The following ATXN2 variants were observed in gnomAD, a reference collection of about 807,000 sequenced individuals.
ATXN2 encodes the protein ataxin-2.
In ATXN2, 37 loss-of-function variants were observed where a neutral mutation model predicts 138.6. The ratio of observed to expected loss-of-function variants is 0.27; its 90% CI spans 0.21 to 0.35. ATXN2 has a LOEUF of 0.35. Among genes scored for constraint, ATXN2 ranks in the 10% least tolerant of loss-of-function variants. The pLI is 1.00. For missense variants in ATXN2, 1,216 were observed against 1,480.3 expected (o/e 0.82, Z 2.93); for synonymous variants, 549 against 543.7 (o/e 1.01, Z -0.13).
At chr12:111,466,060 G>A (rs1875988397) in intron 20 of ATXN2, among the ~76,000 whole-genome samples, 2 of 151,898 alleles carry the variant, frequency 1.3e-5, no homozygotes, top group Admixed American at 6.6e-5. Context: ...CAGCTACTCA[G>A]GAGGCTGAGG....
intron 5 of ATXN2, among the ~76,000 whole-genome samples, chr12:111,537,582 C>CAAAA (rs751737186): frequency 2.2e-4 from 21 of 96,780 alleles, no homozygotes; most frequent in African/African-American, 6.5e-4. Flanking sequence ...GACTCTGTTT[C>CAAAA]AAAAAAAAAA....
At chr12:111,456,313 G>A (rs1875093151) in intron 22 of ATXN2, 57 bp from the exon 23 acceptor site, 1 of 1,576,006 alleles carries the variant, frequency 6.3e-7, no homozygotes, top group African/African-American at 1.3e-5. Context: ...AAGCAGCCAA[G>A]GGATACCCAC....
intron 21 of ATXN2, among the ~76,000 whole-genome samples, chr12:111,459,060 G>A (rs1266827374): frequency 6.6e-6 from 1 of 152,196 alleles, no homozygotes; most frequent in Admixed American, 6.5e-5. Flanking sequence ...AGTTTAGACT[G>A]GATACAGCAG....
chr12:111,568,345 T>C (rs1236708481), intron 1 of ATXN2, among the ~76,000 whole-genome samples: 4 of 152,192 alleles, frequency 2.6e-5, no homozygotes, highest in African/African-American at 9.6e-5. Flanking sequence ...AATATAATTA[T>C]AGAGCTTCAT....
Position 111,456,137 on chromosome 12 carries a change from C to A in ATXN2, c.3162G>T (p.Gln1054His). ...CTGCTGGGAAACTATTCTGTGGCGA[C>A]TGCGTGTTGGAGGCAGGTGTCATGG... The part of the protein sequence containing the change: ...PPSMTPASNT[Q>H]SPQNSFPAAQ... Residue 1054 changes from glutamine (Q) to histidine (H), a missense_variant, in exon 23 of 25, where the codon CAG becomes CAT. Coordinates refer to ENST00000673436, the MANE Select transcript of ATXN2 (RefSeq NM_001372574.1). 6.2e-7 allele frequency: 1 copy of A among 1,614,206 alleles called. No homozygotes were observed. Among genetic ancestry groups the A allele is most frequent in the Non-Finnish European group, 8.5e-7 (1 of 1,180,048 alleles).
At chr12:111,554,310 G>T in intron 2 of ATXN2, 93 bp from the exon 3 acceptor site, 2 of 883,660 alleles carry the variant, frequency 2.3e-6, no homozygotes, top group Non-Finnish European at 3.2e-6. Flanking sequence ...ATTTTAGACT[G>T]CGGATTTTTT....
chr12:111,538,553 A>G (rs1881323013), intron 5 of ATXN2, among the ~76,000 whole-genome samples: 1 of 150,524 alleles, frequency 6.6e-6, no homozygotes, highest in South Asian at 2.1e-4. Context: ...GGGTTCCACC[A>G]TATTGCCCAG....
At chr12:111,577,555 G>GGGCCC (rs1228291998) in intron 1 of ATXN2, among the ~76,000 whole-genome samples, 1 of 151,558 alleles carries the variant, frequency 6.6e-6, no homozygotes, top group African/African-American at 2.4e-5. Flanking sequence ...ATGAGCCACC[G>GGGCCC]GGCCCGGCCC....
At chr12:111,596,913 C>T (rs986397851) in intron 1 of ATXN2, among the ~76,000 whole-genome samples, 1 of 151,752 alleles carries the variant, frequency 6.6e-6, no homozygotes, top group African/African-American at 2.4e-5. Flanking sequence ...ACTTAATAAC[C>T]TTAGTTTTAA....
At chr12:111,554,241 ACT>A in intron 2 of ATXN2, 24 bp from the exon 3 acceptor site, 15 of 1,282,994 alleles carry the variant, frequency 1.2e-5, no homozygotes, top group Non-Finnish European at 1.5e-5. Flanking sequence ...AAAAAAAAAA[ACT>A]ATTAGAAATT....
intron 18 of ATXN2, among the ~76,000 whole-genome samples, chr12:111,479,390 TAAA>T (rs33967202): frequency 0.054 from 2,665 of 49,734 alleles, 101 homozygotes; most frequent in African/African-American, 0.16. Context: ...CCGTCTCTGC[TAAA>T]AAAAAAAAAA....
intron 1 of ATXN2, among the ~76,000 whole-genome samples, chr12:111,575,543 ACAT>A (rs368598556): frequency 1.3e-5 from 2 of 152,024 alleles, no homozygotes; most frequent in Admixed American, 6.6e-5. Flanking sequence ...ACAGAAGTAA[ACAT>A]CAGCATCTCA....
intron 20 of ATXN2, chr12:111,468,243 AAAGAC>A (rs1593103131): frequency 1.3e-5 from 2 of 152,390 alleles, no homozygotes; most frequent in East Asian, 3.9e-4. Flanking sequence ...TAAGACAACT[AAAGAC>A]AAGTCAAATG....
chr12:111,499,260 A>G (rs998117287), intron 14 of ATXN2, among the ~76,000 whole-genome samples: 1 of 152,236 alleles, frequency 6.6e-6, no homozygotes, highest in African/African-American at 2.4e-5. Context: ...GTGAAGAGAC[A>G]GCCCACAGAA....
At chr12:111,457,460 A>G in intron 21 of ATXN2, 101 bp from the exon 22 acceptor site, 1 of 1,350,420 alleles carries the variant, frequency 7.4e-7, no homozygotes, top group Non-Finnish European at 1.0e-6. Context: ...GTTACAATGC[A>G]TAACTCACGC....
At chr12:111,510,272 T>C (rs1028589888) in intron 12 of ATXN2, 113 bp downstream of exon 12, 1 of 1,206,712 alleles carries the variant, frequency 8.3e-7, no homozygotes, top group African/African-American at 1.5e-5. Context: ...AAATGTGCAC[T>C]AAAAATACTT....
At position 111,485,182 on chromosome 12, in the gene ATXN2, C is replaced by T. The variant is rs78308472; in HGVS notation, c.2524+83G>A. ...TCATCAAAAAGTCAGAGCTAAACTA[C>T]AACTATTTATTCATTATAAACTTAG... On this transcript the variant is annotated intron_variant, in intron 18 of 24. Coordinates refer to ENST00000673436, the MANE Select transcript of ATXN2 (RefSeq NM_001372574.1). 1,520 of 1,332,742 alleles carry T rather than the reference C, an allele frequency of 1.1e-3. 3 individuals are homozygous for T. The highest frequency in any genetic ancestry group is 1.5e-3 in the Non-Finnish European group (1,453 of 941,718). The allele number at this position is 1,332,742 out of a possible 1,614,324, so 82.6% of individuals were successfully genotyped here.
At chr12:111,488,335 T>C (rs1877776347) in intron 15 of ATXN2, 141 bp downstream of exon 15, 1 of 780,546 alleles carries the variant, frequency 1.3e-6, no homozygotes, top group African/African-American at 1.7e-5. Context: ...TTGTTTGGAC[T>C]AGCTGTTTGT....
At chr12:111,577,341 C>T (rs1387111522) in intron 1 of ATXN2, among the ~76,000 whole-genome samples, 1 of 152,130 alleles carries the variant, frequency 6.6e-6, no homozygotes, top group Non-Finnish European at 1.5e-5. Flanking sequence ...TCTCGGCTCA[C>T]TGCAAGCTCC....
Sources: gnomAD v4.1 joint callset for allele counts (sites outside exome capture counted in the v4.1 genomes callset) on GRCh38, gnomAD v4.1.1 for gene constraint, MANE v1.5 for transcripts, NCBI Gene and HGNC (gene_info 2026-07-23, HGNC 2026-07-21) for gene names.